The following RELN variants were observed in gnomAD, a reference collection of about 807,000 sequenced individuals.
The protein encoded by RELN is reelin.
A neutral mutation model predicts 427.6 loss-of-function variants in RELN; 108 were observed. The observed-to-expected ratio is 0.25, with a 90% confidence interval of 0.22 to 0.30. The LOEUF (loss-of-function observed/expected upper bound fraction) is 0.30, where lower values mean the gene tolerates loss of function less well. Among genes scored for constraint, RELN ranks in the 10% least tolerant of loss-of-function variants. The pLI is 1.00. For synonymous variants in RELN, 1,524 were observed against 1,513.4 expected (o/e 1.01, Z -0.16); for missense variants, 3,715 against 4,302.8 (o/e 0.86, Z 3.82).
chr7:103,485,229 CAAAAAAAAAAA>C (rs35324403), intron 61 of RELN, among the ~76,000 whole-genome samples: 1,583 of 96,568 alleles, frequency 0.016, 42 homozygotes, highest in African/African-American at 0.048. Flanking sequence ...TTTGGCAGGC[CAAAAAAAAAAA>C]AAAAAAAAAA....
intron 8 of RELN, among the ~76,000 whole-genome samples, chr7:103,708,792 C>T (rs1789711258): frequency 6.6e-6 from 1 of 152,130 alleles, no homozygotes; most frequent in African/African-American, 2.4e-5. Flanking sequence ...CTCTCTTACA[C>T]GATTCGGGCC....
chr7:103,561,979 C>T (rs78050193), intron 34 of RELN, 26 bp from the exon 35 acceptor site: 1 of 1,071,594 alleles, frequency 9.3e-7, no homozygotes, highest in Admixed American at 2.0e-5. Flanking sequence ...AAAAAAAAAA[C>T]ACACCACTGG....
At chr7:103,553,928 T>C (rs1337129984) in intron 38 of RELN, 97 bp from the exon 39 acceptor site, 1 of 1,005,246 alleles carries the variant, frequency 9.9e-7, no homozygotes, top group Non-Finnish European at 1.6e-6. Flanking sequence ...AGCAACTCAG[T>C]AACAATAGGT....
intron 3 of RELN, among the ~76,000 whole-genome samples, chr7:103,801,189 T>C (rs901930140): frequency 1.3e-5 from 2 of 152,200 alleles, no homozygotes; most frequent in Non-Finnish European, 1.5e-5. Context: ...CTCAAGGATC[T>C]AGATCTAGAA....
At chr7:103,984,727 T>C (rs1400290791) in intron 1 of RELN, among the ~76,000 whole-genome samples, 1 of 152,192 alleles carries the variant, frequency 6.6e-6, no homozygotes, top group East Asian at 1.9e-4. Flanking sequence ...TTCAGTTCAC[T>C]TATAAATTGC....
intron 8 of RELN, among the ~76,000 whole-genome samples, chr7:103,710,232 C>A (rs777209974): frequency 6.6e-6 from 1 of 152,182 alleles, no homozygotes; most frequent in Admixed American, 6.5e-5. Flanking sequence ...TGGTTAAGAT[C>A]CTGTCTCCAT....
rs545808640 is a variant in RELN, at chr7:103,631,286, C to CTTTTTTTTTTTT, written c.2466-1122_2466-1111dup. ...CAGAAATAAAACTTTAAAAACACTT[C>CTTTTTTTTTTTT]TTTTTTTTTTTTTTTTTTTTTTTTT... On this transcript the variant is annotated intron_variant, in intron 19 of 64. Coordinates refer to ENST00000428762, the MANE Select transcript of RELN (RefSeq NM_005045.4). Among the ~76,000 whole-genome samples, 62 of 77,804 alleles carry CTTTTTTTTTTTT rather than the reference C, an allele frequency of 8.0e-4. 6 individuals carry two copies. The highest frequency in any genetic ancestry group is 1.7e-3 in the African/African-American group (34 of 20,028). The allele number at this position is 77,804 out of a possible 152,430, so 51.0% of individuals were successfully genotyped here. A position where few individuals can be genotyped will look rare whatever the true frequency, so the allele number is the denominator to read the frequency against.
intron 2 of RELN, among the ~76,000 whole-genome samples, chr7:103,882,904 GA>G (rs1794640811): frequency 6.6e-6 from 1 of 152,058 alleles, no homozygotes; most frequent in African/African-American, 2.4e-5. Flanking sequence ...TCCAACAAAA[GA>G]AAAAGAGGGA....
Position 103,621,450 on chromosome 7 carries a change from C to T in RELN, c.2702+8490G>A, listed in dbSNP as rs902451748. Among the ~76,000 whole-genome samples the T allele has an allele frequency of 3.2e-4, 48 of 152,150 alleles. 1 individual carries two copies. Among genetic ancestry groups the T allele is most frequent in the Admixed American group, 3.9e-4 (6 of 15,282 alleles). ...ACATTTTTGCAGCCCTTGGACTTTT[C>T]CCAGTCTCCTGGAAAGCTTGGAGGC... On this transcript the variant is annotated intron_variant, in intron 20 of 64. Coordinates refer to ENST00000428762, the MANE Select transcript of RELN (RefSeq NM_005045.4).
Position 103,640,447 on chromosome 7 carries a change from C to G in RELN, c.2069+96G>C. On this transcript the variant is annotated intron_variant, in intron 17 of 64. Transcript: ENST00000428762. The surrounding 1 kb of genome is among the most constrained non-coding windows in gnomAD (Gnocchi z 4.1). ...TCCAACTTTTTGTCTTAAAAAGATC[C>G]CCGATCCTAAAAAAGGTTATTAAAT... 1 of 1,233,938 alleles carries G rather than the reference C, an allele frequency of 8.1e-7. No individual in the cohort carries two copies. Among genetic ancestry groups the G allele is most frequent in the Non-Finnish European group, 1.2e-6 (1 of 842,400 alleles). 76.4% of individuals were successfully genotyped at this position (1,233,938 alleles called of 1,614,324 possible). A position where few individuals can be genotyped will look rare whatever the true frequency, so the allele number is the denominator to read the frequency against.
chr7:103,476,663 G>A, intron 64 of RELN: 1 of 280,294 alleles, frequency 3.6e-6, no homozygotes, highest in Non-Finnish European at 7.6e-6. Flanking sequence ...ATACTAAAAT[G>A]CTGTCTGCCT....
intron 63 of RELN, chr7:103,481,892 C>G (rs1360763852): frequency 6.6e-6 from 1 of 152,036 alleles, no homozygotes; most frequent in African/African-American, 2.4e-5. Context: ...GAGGCAGAGC[C>G]CAGCAAGTTG....
intron 2 of RELN, among the ~76,000 whole-genome samples, chr7:103,897,427 C>G (rs1794985794): frequency 6.6e-6 from 1 of 152,030 alleles, no homozygotes; most frequent in South Asian, 2.1e-4. Flanking sequence ...AGTGTGCTTA[C>G]CTGGTGTGTG....
chr7:103,683,817 T>C (rs929827541), intron 10 of RELN, among the ~76,000 whole-genome samples: 1 of 152,140 alleles, frequency 6.6e-6, no homozygotes, highest in African/African-American at 2.4e-5. Context: ...GAAGCAGCCA[T>C]CCTTCAGTGG....
rs1830920389 is a variant in RELN at position 103,573,098 on chromosome 7, C to G, written c.4512-838G>C. Among the ~76,000 whole-genome samples, 1 of 152,152 alleles carries G rather than the reference C, an allele frequency of 6.6e-6. No homozygotes were observed. The highest frequency in any genetic ancestry group is 1.5e-5 in the Non-Finnish European group (1 of 68,028). On this transcript the variant is annotated intron_variant, in intron 30 of 64. Coordinates refer to ENST00000428762, the MANE Select transcript of RELN (RefSeq NM_005045.4). This position sits in a 1 kb window ranked among gnomAD's most constrained non-coding sequence, Gnocchi z 4.4. ...GAACTACAGGCATGCGCCACCACACCCGGCTAATTTTTCTATTTTCAGTAG... is the reference window on the plus strand; with the variant it reads ...GAACTACAGGCATGCGCCACCACACGCGGCTAATTTTTCTATTTTCAGTAG...
intron 10 of RELN, among the ~76,000 whole-genome samples, chr7:103,688,531 C>T (rs1384667655): frequency 1.3e-5 from 2 of 152,002 alleles, no homozygotes; most frequent in Non-Finnish European, 2.9e-5. Flanking sequence ...TGAATTCTAC[C>T]TTGAGTGTGA....
At position 103,788,870 on chromosome 7, in the gene RELN, T is replaced by C. The variant is rs544124566; in HGVS notation, c.474-12243A>G. Among the ~76,000 whole-genome samples, 784 of 152,188 alleles carry C rather than the reference T, an allele frequency of 5.2e-3. 3 individuals are homozygous for C. The highest frequency in any genetic ancestry group is 7.1e-3 in the Non-Finnish European group (484 of 67,974). On this transcript the variant is annotated intron_variant, in intron 3 of 64. Transcript: ENST00000428762. Reference sequence around the variant, plus strand: ...TCATATGGAACCAAAAAGGAGCCCATATAGCCAAGACAATCCTAAGCAAAA... The same window carrying C: ...TCATATGGAACCAAAAAGGAGCCCACATAGCCAAGACAATCCTAAGCAAAA...
intron 2 of RELN, among the ~76,000 whole-genome samples, chr7:103,863,811 T>G (rs1319632549): frequency 6.6e-6 from 1 of 150,550 alleles, no homozygotes; most frequent in East Asian, 2.0e-4. Flanking sequence ...ATAAATCCTT[T>G]GCAATCAATT....
At chr7:103,588,604 A>G (rs1451584376) in intron 28 of RELN, among the ~76,000 whole-genome samples, 1 of 152,192 alleles carries the variant, frequency 6.6e-6, no homozygotes, top group Non-Finnish European at 1.5e-5. Context: ...CTGACAAATA[A>G]GACATACAAA....
Sources: gnomAD v4.1 joint callset for allele counts (sites outside exome capture counted in the v4.1 genomes callset) on GRCh38, gnomAD v4.1.1 for gene constraint, Gnocchi (gnomAD v3.1) non-coding constraint, MANE v1.5 for transcripts, NCBI Gene and HGNC (gene_info 2026-07-23, HGNC 2026-07-21) for gene names.